The following PPP1R3B variants were observed in gnomAD, a reference collection of about 807,000 sequenced individuals.
PPP1R3B encodes the protein protein phosphatase 1 regulatory subunit 3B, also known as PP1 subunit R4.
A neutral mutation model predicts 14.6 loss-of-function variants in PPP1R3B; 8 were observed. The observed-to-expected ratio is 0.55, with a 90% confidence interval of 0.32 to 0.99. PPP1R3B has a LOEUF of 0.99. Ranked by LOEUF, PPP1R3B falls within the 50% of genes least tolerant of loss-of-function variation. PPP1R3B has a pLI of 0.04. For synonymous variants in PPP1R3B, 169 were observed against 142.0 expected, an observed-to-expected ratio of 1.19 and a Z score of -1.35; for missense variants, 452 against 360.1, an observed-to-expected ratio of 1.26 and a Z score of -2.07.
At chr8:9,147,603 A>G (rs1039042921) in intron 1 of PPP1R3B, among the ~76,000 whole-genome samples, 2 of 152,112 alleles carry the variant, frequency 1.3e-5, no homozygotes, top group African/African-American at 2.4e-5. Context: ...ACAGCCCACT[A>G]GAGCCAATGT....
intron 1 of PPP1R3B, among the ~76,000 whole-genome samples, chr8:9,149,938 A>G (rs1801368154): frequency 6.6e-6 from 1 of 152,228 alleles, no homozygotes; most frequent in Non-Finnish European, 1.5e-5. Context: ...TTGCTTTGCT[A>G]CTTGAGCGAG....
chr8:9,144,669 C>A (rs1319061407), intron 1 of PPP1R3B, among the ~76,000 whole-genome samples: 2 of 152,160 alleles, frequency 1.3e-5, no homozygotes, highest in African/African-American at 4.8e-5. Flanking sequence ...GACAAAATAA[C>A]CTAGGTGACC....
Position 9,136,776 on chromosome 8 carries a change from G to A in PPP1R3B, c.*4018C>T. 1 of 152,206 alleles carries A rather than the reference G, an allele frequency of 6.6e-6. No homozygotes were observed. Among genetic ancestry groups the A allele is most frequent in the East Asian group, 1.9e-4 (1 of 5,204 alleles). 9.4% of individuals were successfully genotyped at this position (152,206 alleles called of 1,614,324 possible). The stretch of plus-strand genomic sequence containing the variant: ...AACATGTCAGGAGAGACGTGATCGG[G>A]ACTCTCCCAGGACTACATTCAGGTG... On this transcript the variant is annotated 3_prime_UTR_variant, in exon 2 of 2. Transcript: ENST00000310455.
chr8:9,140,068 G>A lies in PPP1R3B; in HGVS notation c.*726C>T, dbSNP rs1006071921. The A allele has an allele frequency of 1.3e-5, 2 of 152,962 alleles. No homozygotes were observed. Among genetic ancestry groups the A allele is most frequent in the Non-Finnish European group, 2.9e-5 (2 of 68,652 alleles). 9.5% of individuals were successfully genotyped at this position (152,962 alleles called of 1,614,324 possible). A position where few individuals can be genotyped will look rare whatever the true frequency, so the allele number is the denominator to read the frequency against. On this transcript the variant is annotated 3_prime_UTR_variant, in exon 2 of 2. Coordinates refer to ENST00000310455, the MANE Select transcript of PPP1R3B (RefSeq NM_024607.4). ...TGTGACACCGCACAGGAGCCAGTGG[G>A]TTTTGATGACTGGTGTGTTGCTCTC...
At position 9,141,240 on chromosome 8, in the gene PPP1R3B, A is replaced by T; in HGVS notation, c.412T>A (p.Cys138Ser). Residue 138 changes from cysteine (C) to serine (S), a missense_variant, in exon 2 of 2, where the codon TGT becomes AGT. By Grantham distance (112) the Cys-to-Ser change is moderately radical (BLOSUM62 -1). Transcript: ENST00000310455. ...LQADHVCLEN[C>S]VLKDKAIAGT... ...GCAATGGCCTTGTCCTTGAGCACAC[A>T]GTTCTCAAGGCAGACGTGGTCGGCC... 6.2e-7 allele frequency: 1 copy of T among 1,614,132 alleles called. No homozygotes were observed. Among genetic ancestry groups the T allele is most frequent in the Middle Eastern group, 1.6e-4 (1 of 6,062 alleles).
Position 9,140,997 on chromosome 8 carries a change from G to A in PPP1R3B, c.655C>T (p.Gln219Ter). 1 of 1,614,150 alleles carries A rather than the reference G, an allele frequency of 6.2e-7. No individual in the cohort carries two copies. Residue 219 changes from glutamine to a stop codon, truncating the protein, a stop_gained, in exon 2 of 2, where the codon CAG becomes TAG. Coordinates refer to ENST00000310455, the MANE Select transcript of PPP1R3B (RefSeq NM_024607.4). LOFTEE classifies it high-confidence loss of function. ...EFAVYYECNG[Q>*]TYWDSNRGKN... ...CCTCTGTTGCTGTCCCAGTACGTCT[G>A]TCCATTGCACTCGTAGTACACAGCA... is the stretch of plus-strand genomic sequence containing the variant.
At position 9,141,086 on chromosome 8, in the gene PPP1R3B, C is replaced by G. The variant is rs558621102; in HGVS notation, c.566G>C (p.Arg189Thr). The change falls in exon 2 of 2, where the codon AGG becomes ACG. Residue 189 changes from arginine (R) to threonine (T), a missense_variant. Coordinates refer to ENST00000310455, the MANE Select transcript of PPP1R3B (RefSeq NM_024607.4). ...YVKDTYAGSDRDTFSFDISLP... is the reference protein window; with the variant it reads ...YVKDTYAGSDTDTFSFDISLP... ...GCTGATGTCGAAGGAGAACGTGTCC[C>G]TGTCTGAACCGGCATAAGTGTCCTT... The G allele has an allele frequency of 2.5e-6, 4 of 1,614,138 alleles. No homozygotes were observed. In the East Asian group the frequency reaches 6.7e-5, roughly 27 times the overall value.
Position 9,141,677 on chromosome 8 carries a change from G to A in PPP1R3B, c.-17-9C>T, listed in dbSNP as rs330924. On this transcript the variant is annotated splice_polypyrimidine_tract_variant and intron_variant, in intron 1 of 1. Coordinates refer to ENST00000310455, the MANE Select transcript of PPP1R3B (RefSeq NM_024607.4). Reference sequence around the variant, plus strand: ...GGGGCTAGATGAACAGGCTAGAACCGTGGAAAGGGAAGAGAAGAAAGAAAA... The same window carrying A: ...GGGGCTAGATGAACAGGCTAGAACCATGGAAAGGGAAGAGAAGAAAGAAAA... 1.9e-6 allele frequency: 3 copies of A among 1,595,626 alleles called. No homozygotes were observed. Among genetic ancestry groups the A allele is most frequent in the Non-Finnish European group, 2.6e-6 (3 of 1,167,354 alleles).
At chr8:9,146,444 G>T (rs766277787) in intron 1 of PPP1R3B, among the ~76,000 whole-genome samples, 36 of 152,154 alleles carry the variant, frequency 2.4e-4, no homozygotes, top group South Asian at 4.1e-4. Flanking sequence ...CACTGGTTCA[G>T]TTCTATAAAT....
At position 9,144,870 on chromosome 8, in the gene PPP1R3B, C is replaced by G. The variant is rs187703157; in HGVS notation, c.-17-3202G>C. ...AAGTGATTCTCCTGCCTTAGCCTTT[C>G]GAGTAGCTGGGATTACAGGAGTCTG... On this transcript the variant is annotated intron_variant, in intron 1 of 1. Coordinates refer to ENST00000310455, the MANE Select transcript of PPP1R3B (RefSeq NM_024607.4). Among the ~76,000 whole-genome samples the G allele has an allele frequency of 5.8e-4, 89 of 152,244 alleles. 1 individual carries two copies. The highest frequency in any genetic ancestry group is 2.1e-3 in the African/African-American group (88 of 41,532).
rs2117597705 is a variant in PPP1R3B, at chr8:9,140,399, C to G, written c.*395G>C. ...TGAACACAATGAACAGTGAGGGTCT[C>G]ACGCGAGGTGGCTGGGGCTGAGTGG... is the stretch of plus-strand genomic sequence containing the variant. On this transcript the variant is annotated 3_prime_UTR_variant, in exon 2 of 2. Coordinates refer to ENST00000310455, the MANE Select transcript of PPP1R3B (RefSeq NM_024607.4). 4.2e-6 allele frequency: 1 copy of G among 236,860 alleles called. No homozygotes were observed. Among genetic ancestry groups the G allele is most frequent in the Non-Finnish European group, 8.2e-6 (1 of 121,862 alleles). The allele number at this position is 236,860 out of a possible 1,614,324, so 14.7% of individuals were successfully genotyped here.
chr8:9,148,752 C>T (rs1029561134), intron 1 of PPP1R3B, among the ~76,000 whole-genome samples: 1 of 152,336 alleles, frequency 6.6e-6, no homozygotes, highest in East Asian at 1.9e-4. Flanking sequence ...CAGAAAATAA[C>T]CCTATGACCT....
At chr8:9,148,418 T>C (rs956318860) in intron 1 of PPP1R3B, among the ~76,000 whole-genome samples, 2 of 152,120 alleles carry the variant, frequency 1.3e-5, no homozygotes, top group South Asian at 4.1e-4. Context: ...GTTATGGACA[T>C]ACATTTGAAC....
intron 1 of PPP1R3B, 79 bp from the exon 2 acceptor site, chr8:9,141,747 A>G: frequency 7.3e-7 from 1 of 1,363,540 alleles, no homozygotes. Context: ...GCATCATTCC[A>G]GCAGGGACTG....
At position 9,140,690 on chromosome 8, in the gene PPP1R3B, T is replaced by A; in HGVS notation, c.*104A>T. The stretch of plus-strand genomic sequence containing the variant: ...TTTTATTTTCCCAAACGGGGCCTCA[T>A]GGAAGTTCCACGTTGCTCCTCCCTG... On this transcript the variant is annotated 3_prime_UTR_variant, in exon 2 of 2. Transcript: ENST00000310455. 1 of 1,242,544 alleles carries A rather than the reference T, an allele frequency of 8.0e-7. No individual in the cohort carries two copies. Among genetic ancestry groups the A allele is most frequent in the Non-Finnish European group, 1.1e-6 (1 of 892,528 alleles). 77.0% of individuals were successfully genotyped at this position (1,242,544 alleles called of 1,614,324 possible).
At chr8:9,145,813 C>G (rs1353161003) in intron 1 of PPP1R3B, among the ~76,000 whole-genome samples, 4 of 152,106 alleles carry the variant, frequency 2.6e-5, no homozygotes, top group Non-Finnish European at 5.9e-5. Flanking sequence ...AAAAAAAATC[C>G]TCAAATATTT....
rs1801027578 is a variant in PPP1R3B, at chr8:9,140,250, C to G, written c.*544G>C. 1 of 158,622 alleles carries G rather than the reference C, an allele frequency of 6.3e-6. No individual in the cohort carries two copies. Among genetic ancestry groups the G allele is most frequent in the African/African-American group, 2.4e-5 (1 of 41,900 alleles). The allele number at this position is 158,622 out of a possible 1,614,324, so 9.8% of individuals were successfully genotyped here. A position where few individuals can be genotyped will look rare whatever the true frequency, so the allele number is the denominator to read the frequency against. On this transcript the variant is annotated 3_prime_UTR_variant, in exon 2 of 2. Coordinates refer to ENST00000310455, the MANE Select transcript of PPP1R3B (RefSeq NM_024607.4). ...ACTTGCAGAAAACAAGAGCCAATCCCATTTCTCTTCTGCAGCTGCACTGGA... is the reference window on the plus strand; with the variant it reads ...ACTTGCAGAAAACAAGAGCCAATCCGATTTCTCTTCTGCAGCTGCACTGGA...
At chr8:9,142,274 T>A (rs2117605061) in intron 1 of PPP1R3B, 1 of 152,790 alleles carries the variant, frequency 6.5e-6, no homozygotes, top group East Asian at 1.9e-4. Flanking sequence ...TTTTAAAAAA[T>A]TTTTGTAGAG....
At chr8:9,146,619 G>C (rs547241393) in intron 1 of PPP1R3B, among the ~76,000 whole-genome samples, 1 of 152,186 alleles carries the variant, frequency 6.6e-6, no homozygotes, top group South Asian at 2.1e-4. Context: ...ACACATATTC[G>C]GAAACAAATA....
Sources: gnomAD v4.1 joint callset for allele counts (sites outside exome capture counted in the v4.1 genomes callset) on GRCh38, gnomAD v4.1.1 for gene constraint, MANE v1.5 for transcripts, NCBI Gene and HGNC (gene_info 2026-07-23, HGNC 2026-07-21) for gene names.